SCAND3: variants seen among roughly 807,000 people sequenced by gnomAD.
SCAND3 encodes the protein SCAN domain containing 3, also known as SCAN domain-containing protein 3.
chr6:28,587,228 A>T, the SCAND3 span: 2 of 156,380 alleles, frequency 1.3e-5, no homozygotes, highest in South Asian at 3.9e-4. Flanking sequence ...ACCCTGTGGA[A>T]CCCAGACTAG....
chr6:28,612,924 C>A, the SCAND3 span, among the ~76,000 whole-genome samples: 1 of 152,116 alleles, frequency 6.6e-6, no homozygotes, highest in Non-Finnish European at 1.5e-5. Flanking sequence ...AAGTCCTTTT[C>A]AGGAGACAGT....
the SCAND3 span, among the ~76,000 whole-genome samples, chr6:28,607,354 T>C: frequency 1.3e-5 from 2 of 152,220 alleles, no homozygotes; most frequent in African/African-American, 4.8e-5. Context: ...CTTTGCAGTG[T>C]TAAGTATCTG....
the SCAND3 span, among the ~76,000 whole-genome samples, chr6:28,580,665 C>T: frequency 4.6e-5 from 7 of 152,066 alleles, no homozygotes; most frequent in African/African-American, 1.4e-4. Context: ...AAGAGGGCCA[C>T]CTGCTGTTTA....
chr6:28,576,787 T>C, the SCAND3 span, among the ~76,000 whole-genome samples: 5 of 151,570 alleles, frequency 3.3e-5, no homozygotes, highest in Non-Finnish European at 2.9e-5. Flanking sequence ...TTTTTTTGTA[T>C]TTTTAGTAGA....
chr6:28,613,967 CTTTTTTTTTT>C, the SCAND3 span, among the ~76,000 whole-genome samples: 1 of 143,332 alleles, frequency 7.0e-6, no homozygotes, highest in African/African-American at 2.5e-5. Context: ...CTTTTCTTTT[CTTTTTTTTTT>C]TTTTAGATGG....
At chr6:28,608,767 G>T in the SCAND3 span, among the ~76,000 whole-genome samples, 2 of 152,144 alleles carry the variant, frequency 1.3e-5, no homozygotes, top group Non-Finnish European at 2.9e-5. Context: ...GAAAAGCTGA[G>T]GCAGGAGAAT....
At chr6:28,595,937 C>G in the SCAND3 span, among the ~76,000 whole-genome samples, 3 of 152,162 alleles carry the variant, frequency 2.0e-5, no homozygotes, top group Non-Finnish European at 2.9e-5. Context: ...ATAACACACA[C>G]TTTGGGTCAT....
the SCAND3 span, chr6:28,586,735 C>T: frequency 6.2e-7 from 1 of 1,601,514 alleles, no homozygotes; most frequent in Non-Finnish European, 8.5e-7. The surrounding 1 kb of genome is among the most constrained non-coding windows in gnomAD (Gnocchi z 4.4). Flanking sequence ...TTAGACAGCT[C>T]AGGCAAAGGT....
At chr6:28,583,256 G>A in the SCAND3 span, among the ~76,000 whole-genome samples, 25 of 151,962 alleles carry the variant, frequency 1.6e-4, no homozygotes, top group Non-Finnish European at 3.2e-4. Context: ...GGTGGCGGGC[G>A]CCTGTAGTCC....
chr6:28,589,601 C>T, the SCAND3 span: 1 of 152,132 alleles, frequency 6.6e-6, no homozygotes, highest in Non-Finnish European at 1.5e-5. Context: ...ATGAAAGTAC[C>T]AAGCTCTTTC....
chr6:28,572,617 TG>T, the SCAND3 span: 1 of 1,613,928 alleles, frequency 6.2e-7, no homozygotes, highest in Non-Finnish European at 8.5e-7. This position sits in a 1 kb window ranked among gnomAD's most constrained non-coding sequence, Gnocchi z 4.1. Flanking sequence ...TTTAAAAAGT[TG>T]GGACCACATG....
At chr6:28,590,612 A>G in the SCAND3 span, 1 of 152,238 alleles carries the variant, frequency 6.6e-6, no homozygotes, top group Non-Finnish European at 1.5e-5. Context: ...AATCTCTTCT[A>G]TGATGTAAGA....
At chr6:28,601,605 C>T in the SCAND3 span, among the ~76,000 whole-genome samples, 8 of 151,950 alleles carry the variant, frequency 5.3e-5, no homozygotes, top group African/African-American at 1.2e-4. Flanking sequence ...CTGCAGCCTC[C>T]GCCTCTCAGG....
the SCAND3 span, among the ~76,000 whole-genome samples, chr6:28,600,964 C>G: frequency 2.1e-5 from 3 of 144,900 alleles, no homozygotes; most frequent in Non-Finnish European, 4.5e-5. Flanking sequence ...TGCAGTGGCG[C>G]GATCTCGGCT....
At chr6:28,575,005 T>C in the SCAND3 span, 3 of 1,614,028 alleles carry the variant, frequency 1.9e-6, no homozygotes, top group Non-Finnish European at 1.7e-6. This position sits in a 1 kb window ranked among gnomAD's most constrained non-coding sequence, Gnocchi z 4.2. Context: ...CTCAATGTTT[T>C]CTTCATACTG....
the SCAND3 span, among the ~76,000 whole-genome samples, chr6:28,605,186 C>A: frequency 6.6e-6 from 1 of 152,182 alleles, no homozygotes; most frequent in Non-Finnish European, 1.5e-5. Flanking sequence ...TGTTCCAACT[C>A]CCAGGAACTT....
the SCAND3 span, among the ~76,000 whole-genome samples, chr6:28,606,440 C>T: frequency 6.6e-6 from 1 of 152,084 alleles, no homozygotes; most frequent in Admixed American, 6.6e-5. Context: ...TTTCATTGCT[C>T]CATGGTTTCC....
At chr6:28,608,286 TATTCTATAA>T in the SCAND3 span, among the ~76,000 whole-genome samples, 1 of 152,214 alleles carries the variant, frequency 6.6e-6, no homozygotes, top group African/African-American at 2.4e-5. Flanking sequence ...TAAGTTATTG[TATTCTATAA>T]ATAGTGTGGA....
the SCAND3 span, among the ~76,000 whole-genome samples, chr6:28,600,223 A>T: frequency 1.3e-5 from 2 of 152,244 alleles, no homozygotes; most frequent in Non-Finnish European, 2.9e-5. Context: ...AAATTTAACA[A>T]GAAAACAAAC....
Sources: gnomAD v4.1 joint callset for allele counts (sites outside exome capture counted in the v4.1 genomes callset) on GRCh38, gnomAD v4.1.1 for gene constraint, Gnocchi (gnomAD v3.1) non-coding constraint, MANE v1.5 for transcripts, NCBI Gene and HGNC (gene_info 2026-07-23, HGNC 2026-07-21) for gene names.